FBXL7: variants seen among roughly 807,000 people sequenced by gnomAD.
FBXL7 encodes F-box/LRR-repeat protein 7.
In FBXL7, 12 loss-of-function variants were observed where a neutral mutation model predicts 38.3. The observed-to-expected ratio is 0.31, with a 90% confidence interval of 0.20 to 0.51. The LOEUF is 0.51. Ranked by LOEUF, FBXL7 falls within the 20% of genes least tolerant of loss-of-function variation. The pLI is 0.98. For missense variants in FBXL7, 567 were observed against 676.4 expected (o/e 0.84, Z 1.79); for synonymous variants, 297 against 300.9 (o/e 0.99, Z 0.13).
At chr5:15,540,318 C>A (rs750600936) in intron 1 of FBXL7, among the ~76,000 whole-genome samples, 1 of 152,190 alleles carries the variant, frequency 6.6e-6, no homozygotes, top group Non-Finnish European at 1.5e-5. Context: ...GGAATCTCAC[C>A]TGCAGGAAGA....
intron 1 of FBXL7, among the ~76,000 whole-genome samples, chr5:15,545,000 A>C (rs1225424078): frequency 1.3e-5 from 2 of 152,210 alleles, no homozygotes; most frequent in Non-Finnish European, 1.5e-5. Context: ...GAAAGAAATG[A>C]ATCGTTCTAG....
chr5:15,794,180 A>G (rs1339221163), intron 2 of FBXL7, among the ~76,000 whole-genome samples: 1 of 152,218 alleles, frequency 6.6e-6, no homozygotes, highest in African/African-American at 2.4e-5. Context: ...TCTGTTGGCT[A>G]AAAGCGGAAT....
intron 2 of FBXL7, among the ~76,000 whole-genome samples, chr5:15,818,703 C>CGTGTGTGTGTGTGTGTGT (rs3222099): frequency 8.6e-6 from 1 of 116,768 alleles, no homozygotes; most frequent in African/African-American, 3.1e-5. Context: ...CCCATTATTT[C>CGTGTGTGTGTGTGTGTGT]GTGTGTGTGT....
At chr5:15,868,893 T>C (rs1377128670) in intron 2 of FBXL7, among the ~76,000 whole-genome samples, 2 of 152,256 alleles carry the variant, frequency 1.3e-5, no homozygotes, top group South Asian at 2.1e-4. Flanking sequence ...ACTAGAGTAA[T>C]TGTATATAAG....
intron 2 of FBXL7, among the ~76,000 whole-genome samples, chr5:15,662,827 T>G (rs1384355583): frequency 1.3e-5 from 2 of 152,190 alleles, no homozygotes; most frequent in African/African-American, 4.8e-5. Flanking sequence ...TGACCTTATT[T>G]CTGGGCTCTC....
intron 2 of FBXL7, among the ~76,000 whole-genome samples, chr5:15,923,988 G>A (rs1459076599): frequency 2.6e-5 from 4 of 152,080 alleles, no homozygotes; most frequent in Non-Finnish European, 4.4e-5. Flanking sequence ...CTGCTAAAAT[G>A]TCAGAGCTGA....
In FBXL7 at chr5:15,927,915, G is replaced by A. The variant is rs759150149; in HGVS notation, c.153G>A (p.Leu51=). The part of the protein sequence containing the change: ...SEDSDLSMRT[L]STPSPALICP... ...ACTCCGACCTGAGCATGCGCACACT[G>A]AGCACGCCCAGCCCAGCCCTGATAT... Residue 51 remains leucine (L), a synonymous_variant, in exon 3 of 4, where the codon CTG becomes CTA. Transcript: ENST00000504595. The A allele has an allele frequency of 5.2e-6, 8 of 1,537,166 alleles. No homozygotes were observed. In the East Asian group the frequency reaches 6.8e-5, roughly 13 times the overall value.
At chr5:15,666,928 T>C (rs1161660647) in intron 2 of FBXL7, among the ~76,000 whole-genome samples, 1 of 152,222 alleles carries the variant, frequency 6.6e-6, no homozygotes, top group African/African-American at 2.4e-5. Context: ...AGTTGATCAA[T>C]TATTAGTGTG....
At chr5:15,696,830 G>A (rs1743354388) in intron 2 of FBXL7, among the ~76,000 whole-genome samples, 1 of 152,150 alleles carries the variant, frequency 6.6e-6, no homozygotes, top group Admixed American at 6.5e-5. Context: ...AGTTACTTAT[G>A]GGGAAACACC....
At chr5:15,796,348 G>T (rs1035562247) in intron 2 of FBXL7, among the ~76,000 whole-genome samples, 3 of 152,118 alleles carry the variant, frequency 2.0e-5, no homozygotes, top group African/African-American at 7.2e-5. Flanking sequence ...AATGTTATTG[G>T]AACATAGCCA....
At chr5:15,693,372 C>CTTTTCT (rs1156582428) in intron 2 of FBXL7, among the ~76,000 whole-genome samples, 1 of 152,144 alleles carries the variant, frequency 6.6e-6, no homozygotes, top group East Asian at 1.9e-4. Flanking sequence ...TGGGAGGACT[C>CTTTTCT]TTTTCTTTTG....
At chr5:15,819,000 A>T (rs1040357232) in intron 2 of FBXL7, among the ~76,000 whole-genome samples, 1 of 152,152 alleles carries the variant, frequency 6.6e-6, no homozygotes, top group East Asian at 1.9e-4. Context: ...CATATAAAGT[A>T]TACTGATTTA....
intron 2 of FBXL7, among the ~76,000 whole-genome samples, chr5:15,683,990 T>C (rs1449267607): frequency 6.6e-6 from 1 of 152,148 alleles, no homozygotes; most frequent in Admixed American, 6.5e-5. Flanking sequence ...ACAAAGGCCT[T>C]TTAAAAATTA....
intron 2 of FBXL7, among the ~76,000 whole-genome samples, chr5:15,868,836 A>T (rs943453681): frequency 9.9e-5 from 15 of 152,064 alleles, no homozygotes; most frequent in African/African-American, 3.6e-4. Flanking sequence ...ACCTCATCAC[A>T]TTCTAGTTCT....
intron 2 of FBXL7, among the ~76,000 whole-genome samples, chr5:15,822,882 A>G (rs12521069): frequency 0.059 from 8,910 of 152,182 alleles, 385 homozygotes; most frequent in Admixed American, 0.14. Flanking sequence ...TCTGGGTCTC[A>G]CCACCAGGTT....
chr5:15,633,739 A>G (rs1741072737), intron 2 of FBXL7, among the ~76,000 whole-genome samples: 2 of 143,428 alleles, frequency 1.4e-5, no homozygotes, highest in South Asian at 4.4e-4. Context: ...AGGGACACAG[A>G]TATTATTATT....
intron 2 of FBXL7, among the ~76,000 whole-genome samples, chr5:15,660,647 C>T (rs1384730754): frequency 6.6e-6 from 1 of 152,170 alleles, no homozygotes; most frequent in Admixed American, 6.5e-5. Flanking sequence ...CGTGAGACAC[C>T]GTGCCTGGCC....
intron 2 of FBXL7, among the ~76,000 whole-genome samples, chr5:15,863,103 C>G (rs1359688128): frequency 1.3e-5 from 2 of 152,142 alleles, no homozygotes; most frequent in East Asian, 1.9e-4. Flanking sequence ...AAACAGTGAC[C>G]TCTTGTACTA....
In FBXL7 at chr5:15,857,543, A is replaced by G. The variant is rs184041789; in HGVS notation, c.128-70347A>G. On this transcript the variant is annotated intron_variant, in intron 2 of 3. Transcript: ENST00000504595. ...ATGTTTTACTTATTTTCTATAAAGT[A>G]AGTTGTTTCCAAGAGGTATTCCAAC... Among the ~76,000 whole-genome samples, 128 of 152,336 alleles carry G rather than the reference A, an allele frequency of 8.4e-4. No homozygotes were observed. In the Middle Eastern group the frequency reaches 0.027, roughly 32 times the overall value.
Sources: allele counts gnomAD v4.1 joint callset (sites outside exome capture counted in the v4.1 genomes callset), GRCh38; gene constraint gnomAD v4.1.1; transcripts MANE v1.5; gene names NCBI Gene and HGNC (gene_info 2026-07-23, HGNC 2026-07-21).